Variants in MCTP1 observed in about 807,000 individuals in gnomAD.
The protein encoded by MCTP1 is multiple C2 and transmembrane domain-containing protein 1.
A neutral mutation model predicts 120.6 loss-of-function variants in MCTP1; 69 were observed. The observed-to-expected ratio is 0.57, with a 90% CI of 0.47 to 0.70. The LOEUF (loss-of-function observed/expected upper bound fraction) is 0.70. MCTP1 is among the 30% of genes least tolerant of loss of function. The pLI is 0.00. For synonymous variants in MCTP1, 529 were observed against 493.1 expected (o/e 1.07, Z -0.96); for missense variants, 1,203 against 1,248.8 (o/e 0.96, Z 0.55).
rs1162090025 is a variant in MCTP1 at position 95,283,795 on chromosome 5, C to T, written c.720+61G>A. Reference sequence around the variant, plus strand: ...CGCCCCCCGCTCCCCGGGTGGTGAACGCCTGAAGAGGGAGGCGTGGTCCCG... The same window carrying T: ...CGCCCCCCGCTCCCCGGGTGGTGAATGCCTGAAGAGGGAGGCGTGGTCCCG... On this transcript the variant is annotated intron_variant, in intron 1 of 22. Coordinates refer to ENST00000515393, the MANE Select transcript of MCTP1 (RefSeq NM_024717.7). 3.9e-6 allele frequency: 5 copies of T among 1,268,856 alleles called. No homozygotes were observed. The African/African-American group carries it at 7.8e-5, about 20-fold the overall frequency. 78.6% of individuals were successfully genotyped at this position (1,268,856 alleles called of 1,614,324 possible). A position where few individuals can be genotyped will look rare whatever the true frequency, so the allele number is the denominator to read the frequency against.
At chr5:95,181,969 G>A (rs1168775010) in intron 1 of MCTP1, among the ~76,000 whole-genome samples, 1 of 152,128 alleles carries the variant, frequency 6.6e-6, no homozygotes, top group African/African-American at 2.4e-5. Flanking sequence ...ATGAAAACGG[G>A]TCACTGAAAG....
chr5:94,946,647 A>G (rs1818999556), intron 3 of MCTP1, among the ~76,000 whole-genome samples: 1 of 151,574 alleles, frequency 6.6e-6, no homozygotes, highest in African/African-American at 2.4e-5. Context: ...CTTTAGGAAA[A>G]CTCCTGATAT....
chr5:95,158,969 T>A (rs537281775), intron 1 of MCTP1, among the ~76,000 whole-genome samples: 2 of 152,274 alleles, frequency 1.3e-5, no homozygotes, highest in South Asian at 4.1e-4. Flanking sequence ...AATTTTTTTA[T>A]GGTGCAGAAT....
In MCTP1 at chr5:95,196,259, C is replaced by T. The variant is rs541314441; in HGVS notation, c.720+87597G>A. Among the ~76,000 whole-genome samples the T allele has an allele frequency of 4.6e-5, 7 of 152,240 alleles. No homozygotes were observed. The South Asian group carries it at 6.2e-4, about 14-fold the overall frequency. On this transcript the variant is annotated intron_variant, in intron 1 of 22. Coordinates refer to ENST00000515393, the MANE Select transcript of MCTP1 (RefSeq NM_024717.7). ...ACATATATGTTCCTTATGTTGGTAA[C>T]ATTAACAGCAGCTATCATTTCACTG...
rs1324696378 is a variant in MCTP1 at position 94,763,447 on chromosome 5, C to T, written c.2610+15663G>A. On this transcript the variant is annotated intron_variant, in intron 19 of 22. Transcript: ENST00000515393. ...ATTTTATATACTAAACTTTCTGGTA[C>T]ATTCTCATTTATCCTTCAACACCCA... Among the ~76,000 whole-genome samples the T allele has an allele frequency of 2.0e-5, 3 of 152,342 alleles. No individual in the cohort carries two copies. In the East Asian group the frequency reaches 5.8e-4, roughly 29 times the overall value.
chr5:94,977,442 A>G (rs1038934748), intron 2 of MCTP1, among the ~76,000 whole-genome samples: 1 of 152,076 alleles, frequency 6.6e-6, no homozygotes, highest in African/African-American at 2.4e-5. Flanking sequence ...AATTCCAATG[A>G]TATTTTTTAC....
At chr5:95,216,487 C>G (rs1269151968) in intron 1 of MCTP1, among the ~76,000 whole-genome samples, 1 of 152,200 alleles carries the variant, frequency 6.6e-6, no homozygotes, top group Non-Finnish European at 1.5e-5. Context: ...TTCCTCTACA[C>G]TGTGTTCTAT....
chr5:95,215,783 C>T (rs1035598508), intron 1 of MCTP1, among the ~76,000 whole-genome samples: 1 of 152,086 alleles, frequency 6.6e-6, no homozygotes, highest in South Asian at 2.1e-4. Context: ...TTTGAGCCAG[C>T]AACCACCTAC....
intron 17 of MCTP1, among the ~76,000 whole-genome samples, chr5:94,817,133 GGT>G (rs1784618945): frequency 6.6e-6 from 1 of 152,118 alleles, no homozygotes. Context: ...GGCTGGGTGC[GGT>G]GGTTCACACC....
chr5:95,097,993 A>G (rs1409046144), intron 1 of MCTP1, among the ~76,000 whole-genome samples: 1 of 152,246 alleles, frequency 6.6e-6, no homozygotes, highest in African/African-American at 2.4e-5. Context: ...TTTGAGTAAT[A>G]ATAATTAGTA....
intron 17 of MCTP1, among the ~76,000 whole-genome samples, chr5:94,830,893 C>A (rs1324918047): frequency 6.6e-6 from 1 of 152,132 alleles, no homozygotes; most frequent in African/African-American, 2.4e-5. Context: ...TCCAATTCTA[C>A]CACCCAGTAA....
intron 1 of MCTP1, among the ~76,000 whole-genome samples, chr5:95,209,869 G>A (rs1314448380): frequency 6.6e-6 from 1 of 152,170 alleles, no homozygotes; most frequent in African/African-American, 2.4e-5. Context: ...CTGGTATGTT[G>A]TGTCTTTGTT....
chr5:95,175,206 T>C (rs940978973), intron 1 of MCTP1, among the ~76,000 whole-genome samples: 2 of 152,228 alleles, frequency 1.3e-5, no homozygotes, highest in Non-Finnish European at 2.9e-5. Context: ...CATTAATCAA[T>C]GTTGAATACA....
chr5:95,149,088 A>C lies in MCTP1; in HGVS notation c.721-131604T>G, dbSNP rs547693962. On this transcript the variant is annotated intron_variant, in intron 1 of 22. Coordinates refer to ENST00000515393, the MANE Select transcript of MCTP1 (RefSeq NM_024717.7). ...TTTGCTGTAGTGCTCTGTGGTTGGAAAGAGAGAGATGGCCCCCTCACCAAG... is the reference window on the plus strand; with the variant it reads ...TTTGCTGTAGTGCTCTGTGGTTGGACAGAGAGAGATGGCCCCCTCACCAAG... 2.0e-5 allele frequency among the ~76,000 whole-genome samples: 3 copies of C among 152,282 alleles called. No homozygotes were observed. The South Asian group carries it at 6.2e-4, about 32-fold the overall frequency.
rs139307308 is a variant in MCTP1, at chr5:95,181,019, T to C, written c.720+102837A>G. On this transcript the variant is annotated intron_variant, in intron 1 of 22. Transcript: ENST00000515393. ...ATTGCTAAAACCCTGGTCCAAACCA[T>C]CATTATTCCTCACCTGAACTGCTGC... 3.7e-3 allele frequency among the ~76,000 whole-genome samples: 571 copies of C among 152,306 alleles called. 1 individual carries two copies. Among genetic ancestry groups the C allele is most frequent in the Non-Finnish European group, 6.6e-3 (448 of 68,024 alleles).
chr5:94,942,691 A>G (rs556622545), intron 3 of MCTP1, among the ~76,000 whole-genome samples: 69 of 152,238 alleles, frequency 4.5e-4, no homozygotes, highest in African/African-American at 1.4e-3. Flanking sequence ...CAAATAAAAT[A>G]TAGTAAATCT....
At chr5:94,763,246 A>G (rs1771751414) in intron 19 of MCTP1, among the ~76,000 whole-genome samples, 1 of 152,204 alleles carries the variant, frequency 6.6e-6, no homozygotes, top group South Asian at 2.1e-4. Flanking sequence ...CACACATTTC[A>G]TCATAACAAT....
chr5:95,081,976 C>A, intron 1 of MCTP1: 1 of 281,644 alleles, frequency 3.6e-6, no homozygotes, highest in Non-Finnish European at 5.3e-6. Context: ...GAGAACTTGC[C>A]AACATCTCCC....
chr5:95,218,178 A>G (rs1753250184), intron 1 of MCTP1, among the ~76,000 whole-genome samples: 1 of 152,196 alleles, frequency 6.6e-6, no homozygotes, highest in Non-Finnish European at 1.5e-5. Context: ...GACAGCAATG[A>G]GATAAGAGCT....
Sources: gnomAD v4.1 joint callset for allele counts (sites outside exome capture counted in the v4.1 genomes callset) on GRCh38, gnomAD v4.1.1 for gene constraint, MANE v1.5 for transcripts, NCBI Gene and HGNC (gene_info 2026-07-23, HGNC 2026-07-21) for gene names.